The following LUC7L2 variants were observed in gnomAD, a reference collection of about 807,000 sequenced individuals.
The protein encoded by LUC7L2 is putative RNA-binding protein Luc7-like 2.
In LUC7L2, 25 loss-of-function variants were observed where a neutral mutation model predicts 52.8. That is an observed-to-expected ratio of 0.47 (90% CI 0.34 to 0.66). The LOEUF (loss-of-function observed/expected upper bound fraction) is 0.66, where lower values mean the gene tolerates loss of function less well. Among genes scored for constraint, LUC7L2 ranks in the 30% least tolerant of loss-of-function variants. The pLI, the probability that LUC7L2 is intolerant of heterozygous loss-of-function variation, is 0.01. For synonymous variants in LUC7L2, 144 were observed against 160.9 expected, an observed-to-expected ratio of 0.89 and a Z score of 0.80; for missense variants, 328 against 497.8, an observed-to-expected ratio of 0.66 and a Z score of 3.25.
chr7:139,405,859 A>T (rs1179504274), intron 5 of LUC7L2, 72 bp downstream of exon 5: 2 of 1,488,212 alleles, frequency 1.3e-6, no homozygotes, highest in African/African-American at 1.4e-5. Flanking sequence ...AGTAGATGAA[A>T]CTTCAGTATC....
Position 139,405,762 on chromosome 7 carries a change from C to A in LUC7L2, c.485C>A (p.Ala162Glu). ...AAAGTAATGGATGAAGTAGAGAAAGCACGGGCAAAGAAAAGAGAAGCAGAG... is the reference window on the plus strand; with the variant it reads ...AAAGTAATGGATGAAGTAGAGAAAGAACGGGCAAAGAAAAGAGAAGCAGAG... ...SQKVMDEVEKARAKKREAEEV... is the reference protein window; with the variant it reads ...SQKVMDEVEKERAKKREAEEV... Residue 162 changes from alanine (A) to glutamate (E), a missense_variant, in exon 5 of 10, where the codon GCA (alanine) becomes GAA (glutamate). Around this residue, in one of 2 missense-constraint regions of LUC7L2, gnomAD observed 133 missense variants for 274.4 expected, o/e 0.48. Transcript: ENST00000354926. The A allele has an allele frequency of 2.5e-6, 4 of 1,608,108 alleles. No individual in the cohort carries two copies. The highest frequency in any genetic ancestry group is 3.4e-6 in the Non-Finnish European group (4 of 1,178,400).
At chr7:139,375,146 T>C (rs983267136) in intron 1 of LUC7L2, 42 of 983,586 alleles carry the variant, frequency 4.3e-5, no homozygotes, top group Non-Finnish European at 5.1e-5. Flanking sequence ...TCCAAAGAGA[T>C]TCTAAGCAAA....
At chr7:139,383,757 G>A (rs561427872) in intron 2 of LUC7L2, among the ~76,000 whole-genome samples, 29 of 137,968 alleles carry the variant, frequency 2.1e-4, no homozygotes, top group Admixed American at 7.2e-4. Flanking sequence ...TTTTTGTGAC[G>A]GAGTATTGCT....
At chr7:139,357,646 TGAAGA>T (rs753736387), upstream of LUC7L2, among the ~76,000 whole-genome samples, 38 of 152,232 alleles carry the variant, frequency 2.5e-4, no homozygotes, top group Middle Eastern at 0.02. Context: ...TCTGAATAAC[TGAAGA>T]GAAGCTATTT....
At chr7:139,415,155 G>T (rs1278406606) in intron 8 of LUC7L2, among the ~76,000 whole-genome samples, 2 of 140,680 alleles carry the variant, frequency 1.4e-5, no homozygotes, top group Non-Finnish European at 3.0e-5. Flanking sequence ...CAAGTGATCC[G>T]CCTGCCTCAG....
chr7:139,391,049 ACTTGT>A (rs1794429142), intron 2 of LUC7L2, among the ~76,000 whole-genome samples: 2 of 152,118 alleles, frequency 1.3e-5, no homozygotes, highest in East Asian at 1.9e-4. Context: ...AATTTTTTTC[ACTTGT>A]CTTGGAGAGG....
At chr7:139,416,850 C>G (rs1191039361) in intron 8 of LUC7L2, 1 of 152,126 alleles carries the variant, frequency 6.6e-6, no homozygotes, top group African/African-American at 2.4e-5. Context: ...CTGTCCAGGT[C>G]TGTCAGGTAC....
intron 2 of LUC7L2, among the ~76,000 whole-genome samples, chr7:139,393,282 G>A (rs1794524374): frequency 6.6e-6 from 1 of 151,566 alleles, no homozygotes; most frequent in African/African-American, 2.4e-5. Flanking sequence ...AATTAGCCGG[G>A]TATGGTGATG....
chr7:139,417,632 C>T lies in LUC7L2; in HGVS notation c.904C>T (p.Arg302Cys), dbSNP rs755472405. ...TRSKSREKRH[R>C]HRSRSSSRSR... ...ATCCAAATCTCGGGAGAAACGCCAT[C>T]GCCACAGGTCCCGCTCCAGCAGCCG... The change falls in exon 9 of 10, where the codon CGC becomes TGC. Residue 302 changes from arginine (R) to cysteine (C), a missense_variant. Arg to Cys is a radical substitution (Grantham distance 180, BLOSUM62 -3). Around this residue, in one of 2 missense-constraint regions of LUC7L2, gnomAD observed 195 missense variants for 223.3 expected, o/e 0.87. Transcript: ENST00000354926. 2.3e-5 allele frequency: 37 copies of T among 1,614,024 alleles called. No homozygotes were observed. The highest frequency in any genetic ancestry group is 3.0e-5 in the Non-Finnish European group (35 of 1,180,042).
At chr7:139,406,015 A>G (rs10279160) in intron 5 of LUC7L2, among the ~76,000 whole-genome samples, 58,424 of 152,100 alleles carry the variant, frequency 0.38, 15,646 homozygotes, top group African/African-American at 0.76. Flanking sequence ...TTTGCAGGCT[A>G]AGGTGGATCG....
chr7:139,407,022 T>TTTTGG, intron 5 of LUC7L2, 152 bp from the exon 6 acceptor site: 1 of 319,780 alleles, frequency 3.1e-6, no homozygotes, highest in Non-Finnish European at 5.1e-6. Flanking sequence ...TTTTTTTTTT[T>TTTTGG]GAGCTGGAGT....
At chr7:139,381,605 C>G (rs1219418405) in intron 2 of LUC7L2, among the ~76,000 whole-genome samples, 1 of 149,588 alleles carries the variant, frequency 6.7e-6, no homozygotes, top group Non-Finnish European at 1.5e-5. Context: ...GAGACAGAGT[C>G]TCGCTCTGTT....
At chr7:139,391,828 C>T (rs913219881) in intron 2 of LUC7L2, among the ~76,000 whole-genome samples, 3 of 152,126 alleles carry the variant, frequency 2.0e-5, no homozygotes, top group African/African-American at 7.2e-5. Flanking sequence ...CTCTAGTGAT[C>T]TGCTTGCCTC....
At chr7:139,359,780 G>A (rs910193294), upstream of LUC7L2, 17 of 398,226 alleles carry the variant, frequency 4.3e-5, no homozygotes, top group Middle Eastern at 6.2e-4. Flanking sequence ...GCGCGTGCAC[G>A]CGCCCAGAGC....
upstream of LUC7L2, chr7:139,359,796 G>C: frequency 5.0e-6 from 2 of 402,296 alleles, no homozygotes; most frequent in East Asian, 3.6e-5. Flanking sequence ...AGAGCCGTTA[G>C]GGTGGAACTC....
At chr7:139,361,254 A>G (rs1351072570) in intron 1 of LUC7L2, among the ~76,000 whole-genome samples, 2 of 152,242 alleles carry the variant, frequency 1.3e-5, no homozygotes, top group African/African-American at 4.8e-5. Flanking sequence ...CTAGTTCATT[A>G]CTTTCTTAAC....
intron 1 of LUC7L2, among the ~76,000 whole-genome samples, chr7:139,370,318 G>A (rs912861480): frequency 1.3e-5 from 2 of 152,200 alleles, no homozygotes; most frequent in Admixed American, 6.5e-5. Context: ...GAACAACAAA[G>A]GTAGGTGGGA....
At chr7:139,347,309 C>T (rs7788035) in intron 1 of LUC7L2, among the ~76,000 whole-genome samples, 58,841 of 152,118 alleles carry the variant, frequency 0.39, 15,852 homozygotes, top group African/African-American at 0.77. Context: ...CAGTTCAAGC[C>T]GGGTGTGGTG....
chr7:139,360,922 T>TA (rs1334359150), intron 1 of LUC7L2, among the ~76,000 whole-genome samples: 1 of 152,232 alleles, frequency 6.6e-6, no homozygotes, highest in African/African-American at 2.4e-5. Flanking sequence ...AGGAACATGT[T>TA]ATGGCCTGTT....
Sources: allele counts gnomAD v4.1 joint callset (sites outside exome capture counted in the v4.1 genomes callset), GRCh38; gene constraint gnomAD v4.1.1; regional missense constraint gnomAD v4.1.1; transcripts MANE v1.5; gene names NCBI Gene and HGNC (gene_info 2026-07-23, HGNC 2026-07-21).